Variants in PLA2G4A observed in about 807,000 individuals in gnomAD.
The protein encoded by PLA2G4A is phospholipase A2 group IVA.
A neutral mutation model predicts 81.9 loss-of-function variants in PLA2G4A; 40 were observed. The ratio of observed to expected loss-of-function variants is 0.49; its 90% CI spans 0.38 to 0.64. PLA2G4A has a LOEUF of 0.64. PLA2G4A is among the 30% of genes least tolerant of loss of function. PLA2G4A has a pLI of 0.00. For missense variants in PLA2G4A, 715 were observed against 905.1 expected (o/e 0.79, Z 2.69); for synonymous variants, 302 against 296.9 (o/e 1.02, Z -0.18).
intron 14 of PLA2G4A, among the ~76,000 whole-genome samples, 190 bp from the exon 15 acceptor site, chr1:186,965,219 T>C (rs1352325800): frequency 1.3e-5 from 2 of 152,216 alleles, no homozygotes; most frequent in Non-Finnish European, 2.9e-5. Flanking sequence ...ATGTTACAGA[T>C]GAAGAAACTA....
chr1:186,907,034 A>G, intron 6 of PLA2G4A, 32 bp downstream of exon 6: 1 of 1,106,764 alleles, frequency 9.0e-7, no homozygotes, highest in African/African-American at 1.5e-5. Flanking sequence ...GATGAGAAAT[A>G]TTGTGAGTGA....
intron 7 of PLA2G4A, among the ~76,000 whole-genome samples, chr1:186,931,087 C>A (rs921418998): frequency 3.3e-5 from 5 of 152,102 alleles, no homozygotes; most frequent in African/African-American, 4.8e-5. Context: ...CTCTGTATAA[C>A]CTACTTTAGT....
At chr1:186,906,646 G>A (rs952743724) in intron 5 of PLA2G4A, among the ~76,000 whole-genome samples, 14 of 152,124 alleles carry the variant, frequency 9.2e-5, no homozygotes, top group African/African-American at 2.9e-4. Context: ...TATATCTCAG[G>A]CACTTTTTAT....
intron 1 of PLA2G4A, among the ~76,000 whole-genome samples, chr1:186,834,040 GA>G (rs916361350): frequency 6.6e-6 from 1 of 151,876 alleles, no homozygotes; most frequent in South Asian, 2.1e-4. Context: ...GAGTCTTCAG[GA>G]AAAAAATCGG....
chr1:186,893,000 A>G lies in PLA2G4A; in HGVS notation c.116-11A>G, dbSNP rs751162492. 1 of 1,597,298 alleles carries G rather than the reference A, an allele frequency of 6.3e-7. No homozygotes were observed. Among genetic ancestry groups the G allele is most frequent in the Admixed American group, 1.7e-5 (1 of 60,004 alleles). On this transcript the variant is annotated splice_polypyrimidine_tract_variant and intron_variant, in intron 3 of 17. Transcript: ENST00000367466. The stretch of plus-strand genomic sequence containing the variant: ...TTCTACCTCCTTCTTGTTTGTGTTT[A>G]CTATCTGTAGTTGATACTCCAGATC...
At chr1:186,896,093 G>A (rs1654323615) in intron 5 of PLA2G4A, among the ~76,000 whole-genome samples, 1 of 151,280 alleles carries the variant, frequency 6.6e-6, no homozygotes, top group African/African-American at 2.4e-5. Flanking sequence ...TATATATTAA[G>A]CATATAATTC....
chr1:186,885,196 T>C lies in PLA2G4A; in HGVS notation c.116-7815T>C, dbSNP rs1653892820. Among the ~76,000 whole-genome samples the C allele has an allele frequency of 2.6e-5, 4 of 152,136 alleles. No homozygotes were observed. In the South Asian group the frequency reaches 8.3e-4, roughly 31 times the overall value. On this transcript the variant is annotated intron_variant, in intron 3 of 17. Transcript: ENST00000367466. ...CACGAGGCACTAGCCAAATTCTTGA[T>C]TCATGCAGGGCAACAGTCTGAGAAG...
At chr1:186,940,915 G>A (rs1215268576) in intron 10 of PLA2G4A, among the ~76,000 whole-genome samples, 1 of 152,080 alleles carries the variant, frequency 6.6e-6, no homozygotes, top group East Asian at 1.9e-4. Flanking sequence ...ATGAACCAAT[G>A]CCTCATTTTG....
chr1:186,830,011 T>G (rs988934769), intron 1 of PLA2G4A, among the ~76,000 whole-genome samples: 2 of 152,158 alleles, frequency 1.3e-5, no homozygotes, highest in African/African-American at 4.8e-5. Flanking sequence ...TTGTTTAAAT[T>G]TAGAATTGTG....
chr1:186,841,174 T>C (rs1215041809), intron 1 of PLA2G4A, among the ~76,000 whole-genome samples: 1 of 152,160 alleles, frequency 6.6e-6, no homozygotes, highest in Admixed American at 6.5e-5. Context: ...TTTTAAACAA[T>C]CTAATATTTG....
chr1:186,882,667 G>A (rs1032233755), intron 3 of PLA2G4A, among the ~76,000 whole-genome samples: 1 of 152,090 alleles, frequency 6.6e-6, no homozygotes, highest in African/African-American at 2.4e-5. Context: ...TGACTTGGTA[G>A]GCAGTGAAGG....
intron 5 of PLA2G4A, among the ~76,000 whole-genome samples, chr1:186,899,169 CA>C (rs1558415364): frequency 1.3e-5 from 2 of 152,140 alleles, no homozygotes; most frequent in African/African-American, 4.8e-5. Context: ...GTCACAAAGG[CA>C]GTTCCAAAAA....
chr1:186,869,325 T>A (rs1653155802), intron 2 of PLA2G4A, among the ~76,000 whole-genome samples: 1 of 152,206 alleles, frequency 6.6e-6, no homozygotes, highest in Admixed American at 6.5e-5. Flanking sequence ...TATTTCTTTT[T>A]TTAAATAAAG....
chr1:186,841,262 G>T (rs767597885), intron 1 of PLA2G4A, among the ~76,000 whole-genome samples: 9 of 152,106 alleles, frequency 5.9e-5, no homozygotes, highest in Non-Finnish European at 8.8e-5. Flanking sequence ...AGCTTTATTG[G>T]ACCAATCCCA....
At chr1:186,844,791 A>G (rs1174434148) in intron 1 of PLA2G4A, among the ~76,000 whole-genome samples, 3 of 152,252 alleles carry the variant, frequency 2.0e-5, no homozygotes, top group Admixed American at 6.5e-5. Context: ...TATAATAAAA[A>G]AAATTTATTG....
chr1:186,962,752 C>T (rs1008208662), intron 14 of PLA2G4A, among the ~76,000 whole-genome samples: 1 of 152,100 alleles, frequency 6.6e-6, no homozygotes, highest in Non-Finnish European at 1.5e-5. Flanking sequence ...GATCTCCTCA[C>T]CTCGTGATCC....
At chr1:186,971,682 C>T (rs1657361370) in intron 15 of PLA2G4A, among the ~76,000 whole-genome samples, 1 of 151,820 alleles carries the variant, frequency 6.6e-6, no homozygotes, top group Non-Finnish European at 1.5e-5. Context: ...AATATGTATT[C>T]CTAAATTAGT....
At position 186,894,102 on chromosome 1, in the gene PLA2G4A, C is replaced by A; in HGVS notation, c.269C>A (p.Thr90Lys). The A allele has an allele frequency of 8.0e-7, 1 of 1,244,148 alleles. No individual in the cohort carries two copies. Among genetic ancestry groups the A allele is most frequent in the Non-Finnish European group, 1.2e-6 (1 of 842,322 alleles). The allele number at this position is 1,244,148 out of a possible 1,614,324, so 77.1% of individuals were successfully genotyped here. A position where few individuals can be genotyped will look rare whatever the true frequency, so the allele number is the denominator to read the frequency against. Residue 90 changes from threonine to lysine, a missense_variant, in exon 5 of 18, where the codon ACG becomes AAG. Transcript: ENST00000367466. ...GCTTTACATTTTACTCTGTAGATTACGTTAATGGATGCCAATTATGTCATG... is the reference window on the plus strand; with the variant it reads ...GCTTTACATTTTACTCTGTAGATTAAGTTAATGGATGCCAATTATGTCATG... ...DPNQENVLEI[T>K]LMDANYVMDE...
At chr1:186,983,133 G>C (rs1463587038) in intron 17 of PLA2G4A, among the ~76,000 whole-genome samples, 1 of 150,802 alleles carries the variant, frequency 6.6e-6, no homozygotes, top group Admixed American at 6.6e-5. Context: ...ATTTTTATCA[G>C]AATCACAATT....
Sources: allele counts gnomAD v4.1 joint callset (sites outside exome capture counted in the v4.1 genomes callset), GRCh38; gene constraint gnomAD v4.1.1; transcripts MANE v1.5; gene names NCBI Gene and HGNC (gene_info 2026-07-23, HGNC 2026-07-21).